DRC11L: variants seen among roughly 807,000 people sequenced by gnomAD.
The protein encoded by DRC11L is dynein regulatory complex subunit like-11.
the DRC11L span, chr7:151,197,676 A>C: frequency 2.6e-6 from 1 of 391,870 alleles, no homozygotes; most frequent in African/African-American, 2.1e-5. Context: ...CCTCTTCCCC[A>C]TGCCGTCTTT....
the DRC11L span, chr7:151,191,838 G>C: frequency 3.3e-4 from 131 of 399,272 alleles, no homozygotes; most frequent in Non-Finnish European, 4.9e-4. Context: ...TGCTGGGTCG[G>C]CTGGATGCCC....
chr7:151,193,553 A>G, the DRC11L span: 2 of 399,216 alleles, frequency 5.0e-6, no homozygotes, highest in South Asian at 1.3e-4. Context: ...AGGGCTGGAG[A>G]TGACTGCGTA....
the DRC11L span, chr7:151,204,568 C>T: frequency 3.8e-5 from 15 of 398,798 alleles, no homozygotes; most frequent in African/African-American, 1.0e-4. Context: ...CACAGGTCGG[C>T]GCGCACCAGC....
At chr7:151,202,540 G>T in the DRC11L span, among the ~76,000 whole-genome samples, 11 of 152,190 alleles carry the variant, frequency 7.2e-5, no homozygotes, top group Admixed American at 7.2e-4. Context: ...ACTGATTAAA[G>T]TACTGACTGG....
chr7:151,198,374 G>T, the DRC11L span, among the ~76,000 whole-genome samples: 1 of 151,794 alleles, frequency 6.6e-6, no homozygotes, highest in African/African-American at 2.4e-5. Context: ...GGGTAGACGG[G>T]TGAGTGGATG....
chr7:151,204,465 C>G, the DRC11L span: 1 of 399,014 alleles, frequency 2.5e-6, no homozygotes, highest in Admixed American at 4.4e-5. Context: ...TCTCCCCTCC[C>G]GCTAGCTGGC....
At chr7:151,196,437 T>C in the DRC11L span, 3 of 399,088 alleles carry the variant, frequency 7.5e-6, no homozygotes, top group Admixed American at 4.4e-5. Flanking sequence ...GCCCTGACCC[T>C]GTGCTCACAC....
chr7:151,194,615 C>T, the DRC11L span: 2 of 399,380 alleles, frequency 5.0e-6, no homozygotes, highest in Non-Finnish European at 8.8e-6. Context: ...GAGGATGGCA[C>T]AGGAAGACCC....
the DRC11L span, chr7:151,192,330 G>GGCACAGACCCC: frequency 5.0e-6 from 2 of 399,058 alleles, no homozygotes; most frequent in Non-Finnish European, 8.8e-6. Context: ...TCGTAGACCC[G>GGCACAGACCCC]GCACAGACCC....
the DRC11L span, chr7:151,194,225 G>T: frequency 2.5e-6 from 1 of 398,858 alleles, no homozygotes; most frequent in Non-Finnish European, 4.4e-6. Context: ...CCTGCCCAGA[G>T]CTGGCTCCTC....
At chr7:151,191,105 G>A in the DRC11L span, 1 of 399,342 alleles carries the variant, frequency 2.5e-6, no homozygotes, top group Middle Eastern at 6.3e-4. Context: ...GGTGGGTACA[G>A]GAGTGGTAAG....
At chr7:151,193,006 C>T in the DRC11L span, among the ~76,000 whole-genome samples, 5 of 152,218 alleles carry the variant, frequency 3.3e-5, no homozygotes, top group African/African-American at 1.2e-4. Context: ...ACATATCTCA[C>T]ACCTCAGGGT....
the DRC11L span, among the ~76,000 whole-genome samples, chr7:151,199,197 C>A: frequency 3.5e-4 from 53 of 152,238 alleles, no homozygotes; most frequent in African/African-American, 1.2e-3. The surrounding 1 kb of genome is among the most constrained non-coding windows in gnomAD (Gnocchi z 5.2). Flanking sequence ...TGTTTGGAGC[C>A]GAATTCGTCT....
At chr7:151,199,568 A>G in the DRC11L span, among the ~76,000 whole-genome samples, 1,703 of 151,480 alleles carry the variant, frequency 0.011, 30 homozygotes, top group African/African-American at 0.039. This position sits in a 1 kb window ranked among gnomAD's most constrained non-coding sequence, Gnocchi z 5.2. Context: ...TGGCCCCCCA[A>G]CAAGTCTCTG....
the DRC11L span, chr7:151,203,430 T>A: frequency 2.5e-6 from 1 of 399,064 alleles, no homozygotes; most frequent in Non-Finnish European, 4.4e-6. Context: ...CTGGACAGGA[T>A]CTCGGCCAGT....
the DRC11L span, among the ~76,000 whole-genome samples, chr7:151,193,748 C>T: frequency 1.3e-5 from 2 of 152,082 alleles, no homozygotes; most frequent in Admixed American, 6.5e-5. Context: ...GAGCCTGCTA[C>T]CCCCACTAAT....
chr7:151,196,178 C>T, the DRC11L span, among the ~76,000 whole-genome samples: 12 of 152,202 alleles, frequency 7.9e-5, no homozygotes, highest in Non-Finnish European at 1.6e-4. Flanking sequence ...CCCATACCCT[C>T]CACACCCCTG....
At chr7:151,204,241 C>T in the DRC11L span, among the ~76,000 whole-genome samples, 20 of 152,214 alleles carry the variant, frequency 1.3e-4, no homozygotes, top group Non-Finnish European at 4.4e-5. Context: ...CACCCCCCAC[C>T]GCCAAGGTTC....
the DRC11L span, among the ~76,000 whole-genome samples, chr7:151,193,803 G>A: frequency 3.9e-5 from 6 of 151,930 alleles, no homozygotes; most frequent in Non-Finnish European, 7.4e-5. Context: ...CCTGGATTAT[G>A]AGTGGTGGAA....
Sources: gnomAD v4.1 joint callset for allele counts (sites outside exome capture counted in the v4.1 genomes callset) on GRCh38, gnomAD v4.1.1 for gene constraint, Gnocchi (gnomAD v3.1) non-coding constraint, MANE v1.5 for transcripts, NCBI Gene and HGNC (gene_info 2026-07-23, HGNC 2026-07-21) for gene names.